The following ARHGAP18 variants were observed in gnomAD, a reference collection of about 807,000 sequenced individuals.
ARHGAP18 encodes the protein Rho GTPase activating protein 18.
ARHGAP18 carries 67 observed loss-of-function variants against 86.2 expected under a neutral mutation model. That is an observed-to-expected ratio of 0.78 (90% confidence interval 0.64 to 0.95). ARHGAP18 has a LOEUF of 0.95. Among genes scored for constraint, ARHGAP18 ranks in the 40% least tolerant of loss-of-function variants. ARHGAP18 has a pLI of 0.00. For missense variants in ARHGAP18, 691 were observed against 780.4 expected (o/e 0.89, Z 1.37); for synonymous variants, 283 against 280.4 (o/e 1.01, Z -0.09).
intron 1 of ARHGAP18, among the ~76,000 whole-genome samples, chr6:129,666,579 G>A (rs887557744): frequency 3.3e-5 from 5 of 152,054 alleles, no homozygotes; most frequent in African/African-American, 9.7e-5. Flanking sequence ...TCTCCACACC[G>A]TTCAGCCACA....
chr6:129,624,990 TATATATG>T (rs537523758), intron 5 of ARHGAP18, among the ~76,000 whole-genome samples: 1 of 75,104 alleles, frequency 1.3e-5, no homozygotes, highest in Non-Finnish European at 2.9e-5. Context: ...TAATATATAT[TATATATG>T]ATATATATTT....
At position 129,588,694 on chromosome 6, in the gene ARHGAP18, T is replaced by C. The variant is rs140037849; in HGVS notation, c.1714-4582A>G. ...CACTAGGCAGTGTCCCAGTGGGGAC[T>C]CTGTGTGGGGGCTCCAACCCCACAT... On this transcript the variant is annotated intron_variant, in intron 12 of 14. Coordinates refer to ENST00000368149, the MANE Select transcript of ARHGAP18 (RefSeq NM_033515.3). Among the ~76,000 whole-genome samples, 45 of 152,330 alleles carry C rather than the reference T, an allele frequency of 3.0e-4. No individual in the cohort carries two copies. In the East Asian group the frequency reaches 7.7e-3, roughly 26 times the overall value.
intron 2 of ARHGAP18, among the ~76,000 whole-genome samples, chr6:129,639,318 T>A (rs761952371): frequency 3.0e-4 from 45 of 152,206 alleles, no homozygotes; most frequent in Non-Finnish European, 4.6e-4. Context: ...CTAATGAAAG[T>A]TATTTAAAAG....
chr6:129,593,362 G>T (rs1193421300), intron 12 of ARHGAP18, among the ~76,000 whole-genome samples: 1 of 152,144 alleles, frequency 6.6e-6, no homozygotes, highest in Admixed American at 6.6e-5. Flanking sequence ...TCATGAGGCT[G>T]AGGTGGGAGG....
chr6:129,668,205 C>T (rs951682330), intron 1 of ARHGAP18, among the ~76,000 whole-genome samples: 12 of 152,088 alleles, frequency 7.9e-5, no homozygotes, highest in African/African-American at 2.7e-4. Flanking sequence ...GATAATGTTT[C>T]CCAAGCCAGG....
intron 1 of ARHGAP18, among the ~76,000 whole-genome samples, chr6:129,660,095 AG>A (rs1773922298): frequency 6.6e-6 from 1 of 152,216 alleles, no homozygotes; most frequent in African/African-American, 2.4e-5. Context: ...TTGGGGTTGG[AG>A]GGAATAAGGC....
intron 5 of ARHGAP18, among the ~76,000 whole-genome samples, chr6:129,627,156 C>A (rs1355845954): frequency 6.6e-6 from 1 of 152,046 alleles, no homozygotes; most frequent in African/African-American, 2.4e-5. Flanking sequence ...TGAGTTAAGA[C>A]TATATTTTAC....
Position 129,600,647 on chromosome 6 carries a change from A to T in ARHGAP18, c.1567T>A (p.Trp523Arg). Residue 523 changes from tryptophan (W) to arginine (R), a missense_variant, in exon 11 of 15, where the codon TGG becomes AGG. By Grantham distance (101) the Trp-to-Arg change is moderately radical. Coordinates refer to ENST00000368149, the MANE Select transcript of ARHGAP18 (RefSeq NM_033515.3). ...HLLIKYQKLL[W>R]TIPKFIVNQV... ...AGCATATGATATATACTTACTGTCC[A>T]CAGAAGTTTTTGGTACTTAATCAAT... 6.2e-7 allele frequency: 1 copy of T among 1,612,874 alleles called. No individual in the cohort carries two copies. The highest frequency in any genetic ancestry group is 8.5e-7 in the Non-Finnish European group (1 of 1,179,162).
In ARHGAP18 at chr6:129,580,090, T is replaced by C. The variant is rs138622213; in HGVS notation, c.1880A>G (p.Tyr627Cys). 2.0e-5 allele frequency: 32 copies of C among 1,613,490 alleles called. No homozygotes were observed. In the African/African-American group the frequency reaches 4.0e-4, roughly 20 times the overall value. ...CTTACCAATATTTCCTCCAATTTCA[T>C]ACAAAAAAACTTCTCCTTTCTTGAG... is the stretch of plus-strand genomic sequence containing the variant. ...QTLKKGEVFL[Y>C]EIGGNIGERC... The change falls in exon 14 of 15, where the codon TAT becomes TGT. Residue 627 changes from tyrosine (Y) to cysteine (C), a missense_variant. Physicochemically the swap from Tyr to Cys is radical, Grantham distance 194 (BLOSUM62 -2). Transcript: ENST00000368149.
intron 1 of ARHGAP18, among the ~76,000 whole-genome samples, chr6:129,656,533 T>C (rs533076143): frequency 6.6e-6 from 1 of 151,926 alleles, no homozygotes; most frequent in African/African-American, 2.4e-5. Context: ...CCCAGCTACT[T>C]GGGAAGCTGA....
At chr6:129,584,138 C>A in intron 12 of ARHGAP18, 26 bp from the exon 13 acceptor site, 4 of 1,612,632 alleles carry the variant, frequency 2.5e-6, no homozygotes, top group Non-Finnish European at 3.4e-6. Context: ...GACACTGGAA[C>A]AAAGCTGGCA....
chr6:129,643,268 T>C (rs941439963), intron 1 of ARHGAP18, among the ~76,000 whole-genome samples: 1 of 152,158 alleles, frequency 6.6e-6, no homozygotes, highest in Admixed American at 6.5e-5. Flanking sequence ...GTAGTACCCA[T>C]AAGCCCCATG....
At chr6:129,650,226 A>G (rs1773680984) in intron 1 of ARHGAP18, among the ~76,000 whole-genome samples, 1 of 151,342 alleles carries the variant, frequency 6.6e-6, no homozygotes, top group African/African-American at 2.4e-5. Context: ...ACCTTGCCTC[A>G]CTCTACTTCT....
intron 10 of ARHGAP18, among the ~76,000 whole-genome samples, 159 bp downstream of exon 10, chr6:129,605,714 TAAAG>T (rs1201540878): frequency 6.6e-6 from 1 of 152,188 alleles, no homozygotes; most frequent in African/African-American, 2.4e-5. Flanking sequence ...AACAACCTCA[TAAAG>T]AGTTAAAGGC....
chr6:129,658,049 T>C lies in ARHGAP18; in HGVS notation c.114-16031A>G, dbSNP rs7745124. 1.5e-3 allele frequency among the ~76,000 whole-genome samples: 224 copies of C among 152,338 alleles called. 2 individuals are homozygous for C. The highest frequency in any genetic ancestry group is 5.1e-3 in the African/African-American group (213 of 41,580). ...TTCTTACACCATTATCACTGTATAG[T>C]GTGGGAAGGAACTACTACTGGAAGA... On this transcript the variant is annotated intron_variant, in intron 1 of 14. Transcript: ENST00000368149.
chr6:129,708,494 A>C (rs760088140), intron 1 of ARHGAP18, among the ~76,000 whole-genome samples: 17 of 152,236 alleles, frequency 1.1e-4, no homozygotes, highest in Non-Finnish European at 2.4e-4. Context: ...CTGGAGATGC[A>C]GCCCCAGACA....
chr6:129,656,507 G>A (rs1773839967), intron 1 of ARHGAP18, among the ~76,000 whole-genome samples: 1 of 152,114 alleles, frequency 6.6e-6, no homozygotes, highest in African/African-American at 2.4e-5. Context: ...TGGGCATGGT[G>A]GTACGCGCCT....
chr6:129,601,545 GAAAAGAA>G (rs1788745892), intron 10 of ARHGAP18, among the ~76,000 whole-genome samples: 1 of 145,572 alleles, frequency 6.9e-6, no homozygotes, highest in Non-Finnish European at 1.5e-5. Flanking sequence ...GAAGAAAAGA[GAAAAGAA>G]AAGAGAAAAG....
At chr6:129,683,244 T>C (rs566657268) in intron 1 of ARHGAP18, among the ~76,000 whole-genome samples, 10 of 152,192 alleles carry the variant, frequency 6.6e-5, no homozygotes, top group East Asian at 5.8e-4. Context: ...GCTAACTTTT[T>C]GTATTTTTAG....
Sources: allele counts gnomAD v4.1 joint callset (sites outside exome capture counted in the v4.1 genomes callset), GRCh38; gene constraint gnomAD v4.1.1; transcripts MANE v1.5; gene names NCBI Gene and HGNC (gene_info 2026-07-23, HGNC 2026-07-21).